PLCL1: variants seen among roughly 807,000 people sequenced by gnomAD.
PLCL1 encodes inactive phospholipase C-like protein 1.
PLCL1 carries 41 observed loss-of-function variants against 84.4 expected under a neutral mutation model. The ratio of observed to expected loss-of-function variants is 0.49; its 90% CI spans 0.38 to 0.63. The LOEUF is 0.63. Ranked by LOEUF, PLCL1 falls within the 30% of genes least tolerant of loss-of-function variation. The probability of loss-of-function intolerance (pLI) is 0.00; values close to 1 mark genes in which losing one functional copy is unlikely to be tolerated. For missense variants in PLCL1, 1,206 were observed against 1,367.8 expected (o/e 0.88, Z 1.87); for synonymous variants, 490 against 488.3 (o/e 1.00, Z -0.05).
At chr2:197,991,640 T>C (rs1338703129) in intron 1 of PLCL1, among the ~76,000 whole-genome samples, 1 of 152,200 alleles carries the variant, frequency 6.6e-6, no homozygotes, top group Non-Finnish European at 1.5e-5. Flanking sequence ...GGAAGTACAG[T>C]CTGCTTAGTA....
At chr2:197,995,337 A>T (rs1030155471) in intron 1 of PLCL1, among the ~76,000 whole-genome samples, 2 of 152,000 alleles carry the variant, frequency 1.3e-5, no homozygotes, top group Non-Finnish European at 2.9e-5. Flanking sequence ...TTGCTATATT[A>T]TGTGTCACAG....
intron 1 of PLCL1, among the ~76,000 whole-genome samples, chr2:198,010,476 A>G (rs1690840793): frequency 6.6e-6 from 1 of 151,788 alleles, no homozygotes; most frequent in Non-Finnish European, 1.5e-5. Context: ...GTTAATTTTT[A>G]TATTTTGAAC....
intron 1 of PLCL1, among the ~76,000 whole-genome samples, chr2:197,971,062 C>T (rs1170263421): frequency 2.0e-5 from 3 of 152,224 alleles, no homozygotes; most frequent in Non-Finnish European, 2.9e-5. Flanking sequence ...AGCAAGGTCA[C>T]TCCTTATGGC....
chr2:197,964,490 G>GT (rs1373990769), intron 1 of PLCL1, among the ~76,000 whole-genome samples: 1 of 152,034 alleles, frequency 6.6e-6, no homozygotes, highest in African/African-American at 2.4e-5. Context: ...AGTTCTAATA[G>GT]TTTTTTGATG....
At chr2:197,884,986 CT>C (rs903870857) in intron 1 of PLCL1, among the ~76,000 whole-genome samples, 19 of 152,160 alleles carry the variant, frequency 1.2e-4, no homozygotes, top group African/African-American at 4.1e-4. Flanking sequence ...CCTATAAGGC[CT>C]GACGTGGTTT....
intron 5 of PLCL1, among the ~76,000 whole-genome samples, chr2:198,113,729 G>A (rs1239794837): frequency 1.3e-5 from 2 of 151,774 alleles, no homozygotes; most frequent in East Asian, 1.9e-4. Context: ...AAGATGTGCC[G>A]GACCTCTTCA....
chr2:197,897,191 CCTTCTCCTTCTTCTT>C (rs1559038704), intron 1 of PLCL1, among the ~76,000 whole-genome samples: 2,762 of 31,154 alleles, frequency 0.089, 152 homozygotes, highest in Middle Eastern at 0.12. Context: ...TTCTTCTTCT[CCTTCTCCTTCTTCTT>C]TCTTCTTCCT....
rs1694581428 is a variant in PLCL1, at chr2:198,148,620, C to A, written c.*1658C>A. The A allele has an allele frequency of 6.6e-6, 1 of 152,102 alleles. No homozygotes were observed. The highest frequency in any genetic ancestry group is 6.5e-5 in the Admixed American group (1 of 15,268). 9.4% of individuals were successfully genotyped at this position (152,102 alleles called of 1,614,324 possible). A position where few individuals can be genotyped will look rare whatever the true frequency, so the allele number is the denominator to read the frequency against. On this transcript the variant is annotated 3_prime_UTR_variant, in exon 6 of 6. Coordinates refer to ENST00000428675, the MANE Select transcript of PLCL1 (RefSeq NM_006226.4). Reference sequence around the variant, plus strand: ...ACAATGGCCTGAAAAAATTTCTTTACCCTCTGTTATATTTAACTTGCTGGT... The same window carrying A: ...ACAATGGCCTGAAAAAATTTCTTTAACCTCTGTTATATTTAACTTGCTGGT...
At chr2:198,090,547 A>G (rs145861043) in intron 3 of PLCL1, among the ~76,000 whole-genome samples, 174 of 152,282 alleles carry the variant, frequency 1.1e-3, no homozygotes, top group Non-Finnish European at 6.8e-4. Flanking sequence ...AAAAAGAAAA[A>G]TTTCCACAGG....
At chr2:198,134,924 G>T (rs976191346) in intron 5 of PLCL1, among the ~76,000 whole-genome samples, 5 of 152,188 alleles carry the variant, frequency 3.3e-5, no homozygotes, top group Non-Finnish European at 4.4e-5. Flanking sequence ...CATGTTTGCA[G>T]AATTACTTTT....
chr2:197,843,664 T>C (rs1687061241), intron 1 of PLCL1, among the ~76,000 whole-genome samples: 1 of 152,168 alleles, frequency 6.6e-6, no homozygotes, highest in South Asian at 2.1e-4. Context: ...GAAGTATCCA[T>C]CCCAGGCTCT....
intron 1 of PLCL1, among the ~76,000 whole-genome samples, chr2:198,014,034 G>A (rs1690932572): frequency 6.6e-6 from 1 of 152,024 alleles, no homozygotes; most frequent in South Asian, 2.1e-4. Context: ...CTCCCAAGCT[G>A]AACTAGGTAA....
intron 3 of PLCL1, among the ~76,000 whole-genome samples, chr2:198,093,383 G>T (rs183169639): frequency 1.3e-5 from 2 of 152,276 alleles, no homozygotes; most frequent in East Asian, 3.9e-4. Flanking sequence ...AAAACTGGGA[G>T]GTGGGGGTAG....
chr2:197,924,689 C>T (rs1688799994), intron 1 of PLCL1, among the ~76,000 whole-genome samples: 1 of 151,784 alleles, frequency 6.6e-6, no homozygotes, highest in Non-Finnish European at 1.5e-5. Flanking sequence ...TGCAGGCCTG[C>T]CTGTCAGCAC....
At chr2:197,865,509 A>G (rs1315028670) in intron 1 of PLCL1, among the ~76,000 whole-genome samples, 2 of 152,178 alleles carry the variant, frequency 1.3e-5, no homozygotes, top group African/African-American at 4.8e-5. Context: ...GGAGATCAGG[A>G]CAGAAAACTA....
chr2:198,066,708 C>T (rs1201404578), intron 1 of PLCL1, among the ~76,000 whole-genome samples: 4 of 151,968 alleles, frequency 2.6e-5, no homozygotes, highest in African/African-American at 9.7e-5. Context: ...CATTTCATTT[C>T]CTCCCTCCTC....
In PLCL1 at chr2:197,868,678, T is replaced by C. The variant is rs563821237; in HGVS notation, c.240+63339T>C. The stretch of plus-strand genomic sequence containing the variant: ...CCATGCCTGGCTAATTGAATTTTTT[T>C]TTTTTTTTAGTAGAGATAAGGTCTC... On this transcript the variant is annotated intron_variant, in intron 1 of 5. Coordinates refer to ENST00000428675, the MANE Select transcript of PLCL1 (RefSeq NM_006226.4). 2.5e-3 allele frequency among the ~76,000 whole-genome samples: 378 copies of C among 152,020 alleles called. 3 individuals are homozygous for C. Among genetic ancestry groups the C allele is most frequent in the African/African-American group, 8.6e-3 (357 of 41,476 alleles).
intron 1 of PLCL1, among the ~76,000 whole-genome samples, chr2:197,983,195 C>CTTTTTTT (rs1690149660): frequency 1.9e-5 from 1 of 51,704 alleles, no homozygotes; most frequent in African/African-American, 6.6e-5. Context: ...TTTTTCTTTT[C>CTTTTTTT]TTTTCTTTTT....
intron 1 of PLCL1, among the ~76,000 whole-genome samples, chr2:198,072,307 T>A (rs1019736053): frequency 1.3e-5 from 2 of 151,820 alleles, no homozygotes; most frequent in Admixed American, 1.3e-4. Flanking sequence ...AAGGCAGCTA[T>A]TAATTTTTCT....
Sources: gnomAD v4.1 joint callset for allele counts (sites outside exome capture counted in the v4.1 genomes callset) on GRCh38, gnomAD v4.1.1 for gene constraint, MANE v1.5 for transcripts, NCBI Gene and HGNC (gene_info 2026-07-23, HGNC 2026-07-21) for gene names.